Variants in SMIM43 observed in about 807,000 individuals in gnomAD.
SMIM43 encodes the protein Nodal Enhanced MEsendoderm Peptide.
At position 121,761,867 on chromosome 4, in the gene SMIM43, A is replaced by G. The variant is rs765717749; in HGVS notation, c.*304T>C. On this transcript the variant is annotated 3_prime_UTR_variant, in exon 4 of 6. Transcript: ENST00000643802. The stretch of plus-strand genomic sequence containing the variant: ...TAGTGCAACAGCCAAGATTGTCCTG[A>G]TAAGATCTGAAGCCATTTTGAACAC... 2.0e-5 allele frequency: 32 copies of G among 1,612,078 alleles called. No individual in the cohort carries two copies. The highest frequency in any genetic ancestry group is 2.7e-5 in the Non-Finnish European group (32 of 1,179,456).
rs1726139511 is a variant in SMIM43, at chr4:121,762,786, A to G, written c.*219T>C. The G allele has an allele frequency of 1.3e-5, 2 of 152,228 alleles. No homozygotes were observed. Among genetic ancestry groups the G allele is most frequent in the Admixed American group, 1.3e-4 (2 of 15,272 alleles). 9.4% of individuals were successfully genotyped at this position (152,228 alleles called of 1,614,324 possible). The stretch of plus-strand genomic sequence containing the variant: ...TGATGGGCAGGTTAAATTCATGGAT[A>G]CCAGTGGTGCTGCTAGGAAGATTAA... On this transcript the variant is annotated 3_prime_UTR_variant, in exon 3 of 6. Transcript: ENST00000643802.
chr4:121,761,766 G>A (rs374048101), intron 4 of SMIM43, 64 bp downstream of exon 4: 2 of 1,608,534 alleles, frequency 1.2e-6, no homozygotes, highest in African/African-American at 1.3e-5. Context: ...TGAGTGTGAT[G>A]TCATTCTCAT....
At chr4:121,761,315 C>A (rs1726050286) in intron 5 of SMIM43, among the ~76,000 whole-genome samples, 1 of 151,720 alleles carries the variant, frequency 6.6e-6, no homozygotes, top group Non-Finnish European at 1.5e-5. Context: ...ATACCTTATG[C>A]ATTACATTAG....
Position 121,763,086 on chromosome 4 carries a change from T to C in SMIM43, c.*207-288A>G, listed in dbSNP as rs187642360. Among the ~76,000 whole-genome samples the C allele has an allele frequency of 3.0e-3, 454 of 152,304 alleles. 1 individual carries two copies. The highest frequency in any genetic ancestry group is 9.1e-3 in the Admixed American group (139 of 15,304). Reference sequence around the variant, plus strand: ...TCAAACTGGGAATTCAAATCAAGTCTTACCATAACTCTGATAAAGAGGTGA... The same window carrying C: ...TCAAACTGGGAATTCAAATCAAGTCCTACCATAACTCTGATAAAGAGGTGA... On this transcript the variant is annotated intron_variant, in intron 2 of 5. Transcript: ENST00000643802.
chr4:121,761,457 G>T, intron 5 of SMIM43, 81 bp downstream of exon 5: 1 of 1,387,646 alleles, frequency 7.2e-7, no homozygotes, highest in Non-Finnish European at 9.7e-7. Flanking sequence ...TAACTCTATT[G>T]CACTGATTTT....
intron 5 of SMIM43, 49 bp downstream of exon 5, chr4:121,761,489 A>G: frequency 6.6e-7 from 1 of 1,510,510 alleles, no homozygotes; most frequent in Non-Finnish European, 8.9e-7. Context: ...CAAAATTGGA[A>G]ATATAGAATG....
rs904362501 is a variant in SMIM43 at position 121,760,620 on chromosome 4, T to C, written c.*500-146A>G. On this transcript the variant is annotated intron_variant, in intron 5 of 5. Transcript: ENST00000643802. ...AAACCCTCTAATTTATTTAAGCCGC[T>C]CTTCAGTCCAGAACTTCCTATTCCA... 8.1e-5 allele frequency: 107 copies of C among 1,317,078 alleles called. No individual in the cohort carries two copies. The South Asian group carries it at 1.2e-3, about 15-fold the overall frequency. The allele number at this position is 1,317,078 out of a possible 1,614,324, so 81.6% of individuals were successfully genotyped here.
rs1369512033 is a variant in SMIM43, at chr4:121,764,855, G to A, written c.*59C>T. ...GGCCGCGAGGACGGAGAATCGAGGC[G>A]GAGACCCAGCCCAGCGCCCGCGCAG... On this transcript the variant is annotated 3_prime_UTR_variant, in exon 1 of 6. Coordinates refer to ENST00000643802, the MANE Select transcript of SMIM43 (RefSeq NM_001384332.1). 1 of 397,548 alleles carries A rather than the reference G, an allele frequency of 2.5e-6. No individual in the cohort carries two copies. The highest frequency in any genetic ancestry group is 1.3e-4 in the South Asian group (1 of 7,592). 24.6% of individuals were successfully genotyped at this position (397,548 alleles called of 1,614,324 possible).
Position 121,760,267 on chromosome 4 carries a change from T to C in SMIM43, c.*707A>G. 1 of 1,582,812 alleles carries C rather than the reference T, an allele frequency of 6.3e-7. No homozygotes were observed. The highest frequency in any genetic ancestry group is 8.6e-7 in the Non-Finnish European group (1 of 1,166,768). On this transcript the variant is annotated 3_prime_UTR_variant, in exon 6 of 6. Transcript: ENST00000643802. ...ACTGGATTTTTGTCAAAGGCAGTTA[T>C]ATATCCAGCTACAAAAACTACATTT...
rs1726285478 is a variant in SMIM43 at position 121,765,127 on chromosome 4, T to G, written c.-22A>C. 2.5e-6 allele frequency: 1 copy of G among 395,690 alleles called. No individual in the cohort carries two copies. The highest frequency in any genetic ancestry group is 1.3e-4 in the South Asian group (1 of 7,834). The allele number at this position is 395,690 out of a possible 1,614,324, so 24.5% of individuals were successfully genotyped here. ...CCATGCTGGAGGCGCCGGCGCTCGC[T>G]GGCCCTGCGCGCTCGGCGCGGGCTG... On this transcript the variant is annotated 5_prime_UTR_variant, in exon 1 of 6. Transcript: ENST00000643802.
Position 121,760,470 on chromosome 4 carries a change from G to A in SMIM43, c.*504C>T, listed in dbSNP as rs1726000870. ...TGTGGGGTGCTGCGGGGACCATCTT[G>A]GAACCTGGAGGAAAAAGCCAAGGGA... is the stretch of plus-strand genomic sequence containing the variant. On this transcript the variant is annotated 3_prime_UTR_variant, in exon 6 of 6. Coordinates refer to ENST00000643802, the MANE Select transcript of SMIM43 (RefSeq NM_001384332.1). 6.5e-7 allele frequency: 1 copy of A among 1,535,922 alleles called. No homozygotes were observed. The highest frequency in any genetic ancestry group is 2.2e-5 in the Admixed American group (1 of 46,486).
intron 4 of SMIM43, 42 bp from the exon 5 acceptor site, chr4:121,761,737 AT>A: frequency 6.2e-7 from 1 of 1,611,168 alleles, no homozygotes. Context: ...TTTATTAGAC[AT>A]TTTAGATTTT....
chr4:121,762,029 C>A, intron 3 of SMIM43, 137 bp from the exon 4 acceptor site: 1 of 704,774 alleles, frequency 1.4e-6, no homozygotes, highest in Non-Finnish European at 2.3e-6. Context: ...TCACTAAAAA[C>A]CTTTTTATTG....
chr4:121,762,002 C>T, intron 3 of SMIM43, 110 bp from the exon 4 acceptor site: 1 of 907,004 alleles, frequency 1.1e-6, no homozygotes, highest in Non-Finnish European at 1.7e-6. Flanking sequence ...AAGTCACCTT[C>T]TAACATTGCT....
At chr4:121,761,954 T>C in intron 3 of SMIM43, 62 bp from the exon 4 acceptor site, 1 of 1,361,960 alleles carries the variant, frequency 7.3e-7, no homozygotes, top group South Asian at 1.3e-5. Context: ...TATTACATAA[T>C]AGAATTATGG....
chr4:121,762,259 G>T (rs1474356352), intron 3 of SMIM43, among the ~76,000 whole-genome samples: 1 of 152,156 alleles, frequency 6.6e-6, no homozygotes, highest in Non-Finnish European at 1.5e-5. Context: ...GGGTGTCAGA[G>T]TATTTGATCT....
rs1726195943 is a variant in SMIM43, at chr4:121,763,745, A to C, written c.*206+19T>G. 1 of 152,184 alleles carries C rather than the reference A, an allele frequency of 6.6e-6. No individual in the cohort carries two copies. Among genetic ancestry groups the C allele is most frequent in the Non-Finnish European group, 1.5e-5 (1 of 68,046 alleles). 9.4% of individuals were successfully genotyped at this position (152,184 alleles called of 1,614,324 possible). A position where few individuals can be genotyped will look rare whatever the true frequency, so the allele number is the denominator to read the frequency against. On this transcript the variant is annotated intron_variant, in intron 2 of 5. Coordinates refer to ENST00000643802, the MANE Select transcript of SMIM43 (RefSeq NM_001384332.1). ...TCATAACTAAGGCCAACGTGAAACC[A>C]TGCGTCATCCCAACTTACCATTTGC...
chr4:121,760,476 T>C lies in SMIM43; in HGVS notation c.*500-2A>G, dbSNP rs1019854495. On this transcript the variant is annotated splice_acceptor_variant, in intron 5 of 5. Transcript: ENST00000643802. LOFTEE classifies it low-confidence loss of function (3UTR_SPLICE). ...GTGCTGCGGGGACCATCTTGGAACC[T>C]GGAGGAAAAAGCCAAGGGAACCTCA... is the stretch of plus-strand genomic sequence containing the variant. 3.3e-6 allele frequency: 5 copies of C among 1,533,618 alleles called. No individual in the cohort carries two copies. The Middle Eastern group carries it at 5.2e-4, about 158-fold the overall frequency.
intron 5 of SMIM43, among the ~76,000 whole-genome samples, chr4:121,760,893 AG>A (rs1302416209): frequency 1.3e-5 from 2 of 152,138 alleles, no homozygotes; most frequent in African/African-American, 4.8e-5. Context: ...GCTACTATTA[AG>A]GAAAAAAACA....
Sources: gnomAD v4.1 joint callset for allele counts (sites outside exome capture counted in the v4.1 genomes callset) on GRCh38, gnomAD v4.1.1 for gene constraint, MANE v1.5 for transcripts, NCBI Gene and HGNC (gene_info 2026-07-23, HGNC 2026-07-21) for gene names.